CUX2: variants seen among roughly 807,000 people sequenced by gnomAD.
The protein encoded by CUX2 is homeobox protein cut-like 2.
CUX2 carries 40 observed loss-of-function variants against 144.8 expected under a neutral mutation model. That is an observed-to-expected ratio of 0.28 (90% CI 0.21 to 0.36). The LOEUF (loss-of-function observed/expected upper bound fraction) is 0.36, where lower values mean the gene tolerates loss of function less well. Ranked by LOEUF, CUX2 falls within the 10% of genes least tolerant of loss-of-function variation. CUX2 has a pLI of 1.00. For synonymous variants in CUX2, 827 were observed against 875.6 expected (o/e 0.94, Z 0.98); for missense variants, 1,615 against 1,994.0 (o/e 0.81, Z 3.62).
chr12:111,071,609 A>G (rs2136030916), intron 1 of CUX2, among the ~76,000 whole-genome samples: 1 of 152,230 alleles, frequency 6.6e-6, no homozygotes, highest in South Asian at 2.1e-4. Flanking sequence ...GAAGTTTTTA[A>G]TTTTAATGAA....
chr12:111,056,833 A>G (rs1044962350), intron 1 of CUX2, among the ~76,000 whole-genome samples: 1 of 152,192 alleles, frequency 6.6e-6, no homozygotes, highest in African/African-American at 2.4e-5. Flanking sequence ...CAGGTGACTC[A>G]GGCTGGTTGT....
At chr12:111,081,129 C>T (rs1179511037) in intron 1 of CUX2, among the ~76,000 whole-genome samples, 1 of 152,108 alleles carries the variant, frequency 6.6e-6, no homozygotes, top group Admixed American at 6.5e-5. Context: ...ATGCTGTCAC[C>T]GTTTCCGATT....
At chr12:111,119,384 G>A (rs9651903) in intron 1 of CUX2, among the ~76,000 whole-genome samples, 5,423 of 151,966 alleles carry the variant, frequency 0.036, 173 homozygotes, top group South Asian at 0.18. Flanking sequence ...TGGGTGGATC[G>A]CTTGAGTCCA....
In CUX2 at chr12:111,322,417, G is replaced by A. The variant is rs369968220; in HGVS notation, c.2767-4G>A. On this transcript the variant is annotated splice_region_variant and splice_polypyrimidine_tract_variant and intron_variant, in intron 17 of 21. Coordinates refer to ENST00000261726, the MANE Select transcript of CUX2 (RefSeq NM_015267.4). The surrounding 1 kb of genome is among the most constrained non-coding windows in gnomAD (Gnocchi z 4.2). ...GACCTACCCCCCTGGCCCGCCCCTC[G>A]CAGGTGCTGGGCCTGTCACAGGGCA... 1.3e-5 allele frequency: 20 copies of A among 1,541,310 alleles called. No homozygotes were observed. Among genetic ancestry groups the A allele is most frequent in the African/African-American group, 4.1e-5 (3 of 72,730 alleles).
rs549235094 is a variant in CUX2 at position 111,348,418 on chromosome 12, C to A, written c.*93C>A. The A allele has an allele frequency of 2.2e-5, 26 of 1,188,582 alleles. 1 individual carries two copies. The East Asian group carries it at 2.6e-4, about 12-fold the overall frequency. The allele number at this position is 1,188,582 out of a possible 1,614,324, so 73.6% of individuals were successfully genotyped here. A position where few individuals can be genotyped will look rare whatever the true frequency, so the allele number is the denominator to read the frequency against. On this transcript the variant is annotated 3_prime_UTR_variant, in exon 22 of 22. Coordinates refer to ENST00000261726, the MANE Select transcript of CUX2 (RefSeq NM_015267.4). ...CAGGATGGGGTAAGGGAGGGAGGAA[C>A]TCAACCATCAAAATGTGGACAGCAA...
chr12:111,263,398 G>C lies in CUX2; in HGVS notation c.223-363G>C, dbSNP rs1884226283. On this transcript the variant is annotated intron_variant, in intron 3 of 21. Coordinates refer to ENST00000261726, the MANE Select transcript of CUX2 (RefSeq NM_015267.4). The surrounding 1 kb of genome is among the most constrained non-coding windows in gnomAD (Gnocchi z 4.0). ...AGGTGGGCAGATAACCTGAGGTCAAGAGTTTGAGACCATCCTGGCCAACGT... is the reference window on the plus strand; with the variant it reads ...AGGTGGGCAGATAACCTGAGGTCAACAGTTTGAGACCATCCTGGCCAACGT... Among the ~76,000 whole-genome samples, 1 of 152,166 alleles carries C rather than the reference G, an allele frequency of 6.6e-6. No individual in the cohort carries two copies. Among genetic ancestry groups the C allele is most frequent in the Admixed American group, 6.5e-5 (1 of 15,276 alleles).
At chr12:111,298,498 C>T (rs1322488701) in intron 8 of CUX2, 43 bp from the exon 9 acceptor site, 2 of 1,548,124 alleles carry the variant, frequency 1.3e-6, no homozygotes, top group Non-Finnish European at 8.7e-7. Context: ...GGGCCTGGAG[C>T]CCGCCGGAAG....
chr12:111,310,014 G>C lies in CUX2; in HGVS notation c.1259-27G>C. On this transcript the variant is annotated intron_variant, in intron 14 of 21. Transcript: ENST00000261726. This position sits in a 1 kb window ranked among gnomAD's most constrained non-coding sequence, Gnocchi z 7.9. ...TCATCATCGTCTTCCCCGTCTGTCT[G>C]TCTGTCTGTCTGTCTGGGTGTTCTA... is the stretch of plus-strand genomic sequence containing the variant. 1 of 1,281,570 alleles carries C rather than the reference G, an allele frequency of 7.8e-7. No homozygotes were observed. The highest frequency in any genetic ancestry group is 9.8e-7 in the Non-Finnish European group (1 of 1,015,822). The allele number at this position is 1,281,570 out of a possible 1,614,324, so 79.4% of individuals were successfully genotyped here.
intron 14 of CUX2, 130 bp from the exon 15 acceptor site, chr12:111,309,907 TTCTC>T (rs1276752740): frequency 2.7e-6 from 2 of 746,304 alleles, no homozygotes; most frequent in Non-Finnish European, 3.7e-6. Flanking sequence ...CTGATGTGGT[TTCTC>T]TCTCTGTCTC....
intron 1 of CUX2, among the ~76,000 whole-genome samples, chr12:111,133,281 T>C (rs1875621683): frequency 6.6e-6 from 1 of 152,182 alleles, no homozygotes. Context: ...CACCCCACTC[T>C]ACTGGTACCA....
intron 1 of CUX2, among the ~76,000 whole-genome samples, chr12:111,046,551 C>T (rs915813068): frequency 5.3e-5 from 8 of 152,238 alleles, no homozygotes; most frequent in Admixed American, 1.3e-4. Flanking sequence ...TCTGGACTCA[C>T]TAATGGCCAA....
intron 16 of CUX2, among the ~76,000 whole-genome samples, chr12:111,317,716 C>G (rs765917240): frequency 6.6e-6 from 1 of 152,146 alleles, no homozygotes; most frequent in Non-Finnish European, 1.5e-5. Flanking sequence ...GTGATACCGA[C>G]CGGGCGCGGT....
chr12:111,189,781 C>T (rs146766527), intron 1 of CUX2, among the ~76,000 whole-genome samples: 7 of 152,192 alleles, frequency 4.6e-5, no homozygotes, highest in African/African-American at 1.2e-4. Context: ...GTGATGCCGA[C>T]GCTGCTGGCC....
intron 3 of CUX2, among the ~76,000 whole-genome samples, chr12:111,258,107 C>T (rs748285328): frequency 2.0e-5 from 3 of 152,212 alleles, no homozygotes; most frequent in Non-Finnish European, 2.9e-5. Context: ...CATCCTGCCC[C>T]AACAGCTTTG....
chr12:111,044,053 G>T (rs974582899), intron 1 of CUX2, among the ~76,000 whole-genome samples: 19 of 152,188 alleles, frequency 1.2e-4, no homozygotes, highest in African/African-American at 4.6e-4. Flanking sequence ...TAGTCTAGGA[G>T]CTTCCGTCAA....
Position 111,320,477 on chromosome 12 carries a change from C to A in CUX2, c.2468C>A (p.Ala823Asp). Residue 823 changes from alanine to aspartate, a missense_variant, in exon 17 of 22, where the codon GCC becomes GAC. Physicochemically the swap from Ala to Asp is moderately radical, Grantham distance 126. Transcript: ENST00000261726. This position sits in a 1 kb window ranked among gnomAD's most constrained non-coding sequence, Gnocchi z 8.1. ...TACTCTGGCCAGCCCAACGGCCGCG[C>A]CTGGCCCCGCGGGGACGAGGCCCCT... Reference protein sequence around the residue: ...SGYSGQPNGRAWPRGDEAPVP... With the variant: ...SGYSGQPNGRDWPRGDEAPVP... 1 of 1,589,480 alleles carries A rather than the reference C, an allele frequency of 6.3e-7. No individual in the cohort carries two copies. The highest frequency in any genetic ancestry group is 8.5e-7 in the Non-Finnish European group (1 of 1,172,600).
intron 1 of CUX2, among the ~76,000 whole-genome samples, chr12:111,071,226 T>C (rs1185916242): frequency 6.6e-6 from 1 of 152,206 alleles, no homozygotes; most frequent in East Asian, 1.9e-4. Context: ...TACACCATTT[T>C]GCCTTCCCAC....
rs1339907021 is a variant in CUX2 at position 111,188,466 on chromosome 12, G to A, written c.64-25734G>A. 3.3e-5 allele frequency among the ~76,000 whole-genome samples: 5 copies of A among 152,292 alleles called. No individual in the cohort carries two copies. The East Asian group carries it at 9.7e-4, about 29-fold the overall frequency. ...TGAAGGAAGCCACCAGGGGCCGAGG[G>A]AGAGGAAGAACAGGGGTCCCATGTA... On this transcript the variant is annotated intron_variant, in intron 1 of 21. Coordinates refer to ENST00000261726, the MANE Select transcript of CUX2 (RefSeq NM_015267.4).
intron 1 of CUX2, among the ~76,000 whole-genome samples, chr12:111,143,734 C>G (rs561950767): frequency 3.3e-5 from 5 of 152,352 alleles, no homozygotes; most frequent in African/African-American, 1.2e-4. Context: ...CATCAATGTG[C>G]GTCCCTGTGC....
Sources: allele counts gnomAD v4.1 joint callset (sites outside exome capture counted in the v4.1 genomes callset), GRCh38; gene constraint gnomAD v4.1.1; non-coding constraint Gnocchi (gnomAD v3.1); transcripts MANE v1.5; gene names NCBI Gene and HGNC (gene_info 2026-07-23, HGNC 2026-07-21).